Variants in NLRP3 observed in about 807,000 individuals in gnomAD.
NLRP3 encodes the protein NACHT, LRR and PYD domains-containing protein 3.
In NLRP3, 48 loss-of-function variants were observed where a neutral mutation model predicts 91.3. The ratio of observed to expected loss-of-function variants is 0.53; its 90% confidence interval spans 0.42 to 0.67. The LOEUF is 0.67. NLRP3 is among the 30% of genes least tolerant of loss of function. The pLI, the probability that NLRP3 is intolerant of heterozygous loss-of-function variation, is 0.00. For missense variants in NLRP3, 982 were observed against 1,276.9 expected (o/e 0.77, Z 3.52); for synonymous variants, 561 against 507.9 (o/e 1.10, Z -1.41).
chr1:247,421,741 C>G (rs1473656088), intron 2 of NLRP3, among the ~76,000 whole-genome samples: 1 of 152,192 alleles, frequency 6.6e-6, no homozygotes, highest in East Asian at 1.9e-4. Flanking sequence ...AACCACTACA[C>G]CGTCTTTGCT....
intron 5 of NLRP3, among the ~76,000 whole-genome samples, chr1:247,432,425 C>T (rs537288930): frequency 2.0e-5 from 3 of 152,292 alleles, no homozygotes; most frequent in African/African-American, 7.2e-5. Flanking sequence ...AAAGATGTGA[C>T]TTCATTCTTT....
chr1:247,435,446 C>T (rs1487804586), intron 6 of NLRP3, among the ~76,000 whole-genome samples: 1 of 152,152 alleles, frequency 6.6e-6, no homozygotes, highest in Non-Finnish European at 1.5e-5. Flanking sequence ...GGACATTATG[C>T]TAAGTAAGAT....
Position 247,443,750 on chromosome 1 carries a change from G to A in NLRP3, c.2664-222G>A, listed in dbSNP as rs10159239. 0.57 allele frequency among the ~76,000 whole-genome samples: 86,322 copies of A among 151,864 alleles called. 24,896 individuals carry two copies. Among genetic ancestry groups the A allele is most frequent in the African/African-American group, 0.64 (26,372 of 41,382 alleles). On this transcript the variant is annotated intron_variant, in intron 7 of 9. Coordinates refer to ENST00000336119, the MANE Select transcript of NLRP3 (RefSeq NM_001243133.2). ...TCAGTTTGCCTTGGCTCTTTCTGTC[G>A]GACTCATACAGCAAAGCATCTGCTG...
chr1:247,420,326 T>C (rs1412235037), intron 2 of NLRP3, among the ~76,000 whole-genome samples: 1 of 152,242 alleles, frequency 6.6e-6, no homozygotes, highest in Non-Finnish European at 1.5e-5. Flanking sequence ...ATATCAGATA[T>C]ATGATTTACA....
intron 7 of NLRP3, among the ~76,000 whole-genome samples, chr1:247,439,444 C>A (rs1664050510): frequency 6.6e-6 from 1 of 152,150 alleles, no homozygotes; most frequent in African/African-American, 2.4e-5. Flanking sequence ...ATTCCTTGAC[C>A]TGTAGATGCC....
chr1:247,444,466 A>G lies in NLRP3; in HGVS notation c.2835-185A>G, dbSNP rs185880257. On this transcript the variant is annotated intron_variant, in intron 8 of 9. Transcript: ENST00000336119. ...GTTACTAATTTGATCTGTGCAATGCAGTGGATTTGAAAAAGAGAGAGAAGA... is the reference window on the plus strand; with the variant it reads ...GTTACTAATTTGATCTGTGCAATGCGGTGGATTTGAAAAAGAGAGAGAAGA... 1.1e-4 allele frequency among the ~76,000 whole-genome samples: 17 copies of G among 152,256 alleles called. No homozygotes were observed. The East Asian group carries it at 3.3e-3, about 29-fold the overall frequency.
rs747885829 is a variant in NLRP3 at position 247,423,957 on chromosome 1, C to T, written c.508C>T (p.Arg170Cys). Reference sequence around the variant, plus strand: ...CCTCAACAAACGCTACACACGACTGCGTCTCATCAAGGAGCACCGGAGCCA... The same window carrying T: ...CCTCAACAAACGCTACACACGACTGTGTCTCATCAAGGAGCACCGGAGCCA... ...VSLNKRYTRL[R>C]LIKEHRSQQE... The change falls in exon 4 of 10, where the codon CGT (arginine) becomes TGT (cysteine). Residue 170 changes from arginine to cysteine, a missense_variant. Arg to Cys is a radical substitution (Grantham distance 180). Around this residue, in one of 5 missense-constraint regions of NLRP3, gnomAD observed 548 missense variants for 713.7 expected, o/e 0.77. Transcript: ENST00000336119. 25 of 1,613,816 alleles carry T rather than the reference C, an allele frequency of 1.5e-5. No individual in the cohort carries two copies. In the East Asian group the frequency reaches 3.1e-4, roughly 20 times the overall value.
Position 247,431,133 on chromosome 1 carries a change from G to A in NLRP3, c.2321+1378G>A, listed in dbSNP as rs370166930. Among the ~76,000 whole-genome samples the A allele has an allele frequency of 3.6e-4, 55 of 152,162 alleles. No individual in the cohort carries two copies. In the South Asian group the frequency reaches 8.1e-3, roughly 22 times the overall value. On this transcript the variant is annotated intron_variant, in intron 5 of 9. Coordinates refer to ENST00000336119, the MANE Select transcript of NLRP3 (RefSeq NM_001243133.2). Reference sequence around the variant, plus strand: ...CGGGAGGCGGAGATGGCAGTGAGCCGAGATCGTGCCATTGCACTCCAGCCT... The same window carrying A: ...CGGGAGGCGGAGATGGCAGTGAGCCAAGATCGTGCCATTGCACTCCAGCCT...
intron 5 of NLRP3, among the ~76,000 whole-genome samples, chr1:247,433,151 G>A (rs1663467350): frequency 6.6e-6 from 1 of 152,042 alleles, no homozygotes; most frequent in Non-Finnish European, 1.5e-5. Context: ...AGGTGGCAGT[G>A]AGCTATGATC....
intron 9 of NLRP3, 21 bp from the exon 10 acceptor site, chr1:247,448,384 G>A: frequency 1.4e-6 from 2 of 1,391,532 alleles, no homozygotes; most frequent in Non-Finnish European, 2.0e-6. Flanking sequence ...TGCAACCCAG[G>A]CTTTCTATTT....
rs112083888 is a variant in NLRP3, at chr1:247,434,324, G to A, written c.2492+51G>A. On this transcript the variant is annotated intron_variant, in intron 6 of 9. Transcript: ENST00000336119. The stretch of plus-strand genomic sequence containing the variant: ...AAGTTCTGCCAGCGAGGCGTGCTGC[G>A]CACTCTGGCTTCAGTGAGGCCCGGT... 1.4e-4 allele frequency: 220 copies of A among 1,604,642 alleles called. 1 individual carries two copies. The African/African-American group carries it at 2.3e-3, about 17-fold the overall frequency.
intron 5 of NLRP3, among the ~76,000 whole-genome samples, chr1:247,431,650 T>C (rs1247127027): frequency 6.6e-6 from 1 of 152,202 alleles, no homozygotes; most frequent in Non-Finnish European, 1.5e-5. Context: ...ACGCACTGAA[T>C]GAATGTTGGC....
chr1:247,423,782 A>G (rs1457504179), intron 3 of NLRP3, 65 bp from the exon 4 acceptor site: 2 of 1,440,884 alleles, frequency 1.4e-6, no homozygotes, highest in Non-Finnish European at 1.9e-6. Flanking sequence ...GACAGGCCCC[A>G]GCTGAGAGCG....
chr1:247,448,379 C>G, intron 9 of NLRP3, 26 bp from the exon 10 acceptor site: 1 of 1,336,994 alleles, frequency 7.5e-7, no homozygotes, highest in Non-Finnish European at 1.1e-6. Context: ...AAGAGTGCAA[C>G]CCAGGCTTTC....
At position 247,441,863 on chromosome 1, in the gene NLRP3, C is replaced by T. The variant is rs1220500790; in HGVS notation, c.2664-2109C>T. 2.6e-5 allele frequency among the ~76,000 whole-genome samples: 4 copies of T among 152,328 alleles called. No homozygotes were observed. The East Asian group carries it at 5.8e-4, about 22-fold the overall frequency. On this transcript the variant is annotated intron_variant, in intron 7 of 9. Transcript: ENST00000336119. ...TTCTACTACTACTGTGTAGTGCTCC[C>T]CAAACATCTGTTGAATAATCCATTC...
chr1:247,447,231 T>G (rs1450190748), intron 9 of NLRP3, among the ~76,000 whole-genome samples: 1 of 152,196 alleles, frequency 6.6e-6, no homozygotes, highest in East Asian at 1.9e-4. Flanking sequence ...GTCCTCTTCC[T>G]GATTTGCAGA....
chr1:247,431,683 C>T (rs1663342199), intron 5 of NLRP3, among the ~76,000 whole-genome samples: 2 of 152,214 alleles, frequency 1.3e-5, no homozygotes, highest in Non-Finnish European at 2.9e-5. Context: ...CTGTGTCTGC[C>T]TTTTTCCCTC....
At chr1:247,429,846 T>A in intron 5 of NLRP3, 91 bp downstream of exon 5, 3 of 1,495,742 alleles carry the variant, frequency 2.0e-6, no homozygotes, top group Non-Finnish European at 2.8e-6. Context: ...CAGGACCAGG[T>A]TGCTGGTGTG....
chr1:247,435,233 GAGGAAGCATTAAAAAA>G (rs988294956), intron 6 of NLRP3, among the ~76,000 whole-genome samples: 4 of 152,152 alleles, frequency 2.6e-5, no homozygotes, highest in African/African-American at 9.7e-5. Context: ...CTGGGTGACA[GAGGAAGCATTAAAAAA>G]AACAGAAGGC....
Sources: allele counts gnomAD v4.1 joint callset (sites outside exome capture counted in the v4.1 genomes callset), GRCh38; gene constraint gnomAD v4.1.1; regional missense constraint gnomAD v4.1.1; transcripts MANE v1.5; gene names NCBI Gene and HGNC (gene_info 2026-07-23, HGNC 2026-07-21).